DPY19L3: variants seen among roughly 807,000 people sequenced by gnomAD.
DPY19L3 encodes protein C-mannosyl-transferase DPY19L3.
A neutral mutation model predicts 92.3 loss-of-function variants in DPY19L3; 51 were observed. The ratio of observed to expected loss-of-function variants is 0.55; its 90% CI spans 0.44 to 0.70. DPY19L3 has a LOEUF of 0.70. DPY19L3 is among the 30% of genes least tolerant of loss of function. DPY19L3 has a pLI of 0.00. For missense variants in DPY19L3, 706 were observed against 855.9 expected (o/e 0.82, Z 2.18); for synonymous variants, 309 against 315.2 (o/e 0.98, Z 0.21).
chr19:32,437,067 G>T, intron 5 of DPY19L3, 127 bp from the exon 6 acceptor site: 1 of 1,099,374 alleles, frequency 9.1e-7, no homozygotes, highest in South Asian at 1.6e-5. Flanking sequence ...GATGAAAGGG[G>T]TGTGGGCTTG....
In DPY19L3 at chr19:32,482,346, T is replaced by A; in HGVS notation, c.*106T>A. 1 of 1,305,348 alleles carries A rather than the reference T, an allele frequency of 7.7e-7. No individual in the cohort carries two copies. The highest frequency in any genetic ancestry group is 2.3e-5 in the East Asian group (1 of 43,052). 80.9% of individuals were successfully genotyped at this position (1,305,348 alleles called of 1,614,324 possible). ...AAGTAGGTAGCCCAAACCTTCAAGC[T>A]GTGATATGAGTAAGTTCTACAGATG... On this transcript the variant is annotated 3_prime_UTR_variant, in exon 19 of 19. Coordinates refer to ENST00000392250, the MANE Select transcript of DPY19L3 (RefSeq NM_001172774.2).
chr19:32,453,335 T>C (rs1053433275), intron 9 of DPY19L3, 59 bp downstream of exon 9: 1 of 1,508,790 alleles, frequency 6.6e-7, no homozygotes, highest in Non-Finnish European at 8.9e-7. Flanking sequence ...CGTGGTTTAT[T>C]GAACCTTATT....
chr19:32,429,489 A>AT (rs1367987771), intron 3 of DPY19L3, among the ~76,000 whole-genome samples: 1 of 152,226 alleles, frequency 6.6e-6, no homozygotes, highest in Non-Finnish European at 1.5e-5. Flanking sequence ...TAGATTACCA[A>AT]TTAATCATGT....
At chr19:32,438,989 G>A (rs1307843478) in intron 6 of DPY19L3, 123 bp from the exon 7 acceptor site, 5 of 998,332 alleles carry the variant, frequency 5.0e-6, no homozygotes, top group South Asian at 3.4e-5. Flanking sequence ...CAATTATTGA[G>A]AACCAGTGGC....
At chr19:32,430,848 G>T (rs1184897676) in intron 3 of DPY19L3, among the ~76,000 whole-genome samples, 4 of 140,400 alleles carry the variant, frequency 2.8e-5, no homozygotes, top group Admixed American at 7.4e-5. Context: ...GGCTGGTCTT[G>T]AACTCCTGAG....
chr19:32,415,405 G>A (rs759396362), intron 3 of DPY19L3, among the ~76,000 whole-genome samples: 4 of 152,204 alleles, frequency 2.6e-5, no homozygotes, highest in African/African-American at 7.2e-5. Context: ...ACGCAAGAGA[G>A]CCTGGTGTGT....
At chr19:32,470,407 C>T (rs1970321587) in intron 16 of DPY19L3, among the ~76,000 whole-genome samples, 1 of 152,158 alleles carries the variant, frequency 6.6e-6, no homozygotes, top group Non-Finnish European at 1.5e-5. Context: ...CTGAGGACCC[C>T]TGCTTTCTGG....
At chr19:32,456,782 A>G (rs1401365007) in intron 10 of DPY19L3, among the ~76,000 whole-genome samples, 1 of 152,140 alleles carries the variant, frequency 6.6e-6, no homozygotes, top group African/African-American at 2.4e-5. Flanking sequence ...TGATGGAATT[A>G]TTACACACTA....
chr19:32,422,629 A>AC (rs140226412), intron 3 of DPY19L3, among the ~76,000 whole-genome samples: 8 of 146,826 alleles, frequency 5.4e-5, no homozygotes, highest in South Asian at 2.2e-4. Context: ...AATCAGGAAA[A>AC]ACACACACAC....
At chr19:32,427,103 C>A (rs181866032) in intron 3 of DPY19L3, among the ~76,000 whole-genome samples, 14 of 152,262 alleles carry the variant, frequency 9.2e-5, no homozygotes, top group Admixed American at 4.6e-4. Context: ...AGGTGATTCT[C>A]CCACTGCAAC....
chr19:32,448,122 C>G (rs1458660725), intron 8 of DPY19L3, among the ~76,000 whole-genome samples: 1 of 152,054 alleles, frequency 6.6e-6, no homozygotes. Context: ...ATGTGTAAAA[C>G]AAAGTTTTGA....
At chr19:32,423,912 C>T (rs1968667031) in intron 3 of DPY19L3, among the ~76,000 whole-genome samples, 1 of 151,658 alleles carries the variant, frequency 6.6e-6, no homozygotes, top group African/African-American at 2.4e-5. Context: ...ACTCGGGAGA[C>T]TGAGGTAGGA....
At chr19:32,409,323 T>C (rs1349489803) in intron 2 of DPY19L3, among the ~76,000 whole-genome samples, 2 of 152,252 alleles carry the variant, frequency 1.3e-5, no homozygotes, top group African/African-American at 4.8e-5. Flanking sequence ...GTTTTGTAGC[T>C]TGCTATTTTT....
chr19:32,460,047 T>TGTAGGCAGTTGTAACACAATG (rs1301880112), intron 12 of DPY19L3, among the ~76,000 whole-genome samples: 21 of 152,154 alleles, frequency 1.4e-4, no homozygotes, highest in African/African-American at 4.6e-4. Flanking sequence ...TGTTTAATAC[T>TGTAGGCAGTTGTAACACAATG]GTAGGCAGTT....
At chr19:32,471,791 TCC>T (rs1180792394) in intron 16 of DPY19L3, among the ~76,000 whole-genome samples, 2 of 152,118 alleles carry the variant, frequency 1.3e-5, no homozygotes, top group East Asian at 3.9e-4. Context: ...TGAAGAGATA[TCC>T]TCAAGGGAAA....
At chr19:32,454,186 T>C (rs1969792838) in intron 9 of DPY19L3, among the ~76,000 whole-genome samples, 1 of 152,200 alleles carries the variant, frequency 6.6e-6, no homozygotes, top group Admixed American at 6.5e-5. Flanking sequence ...AAAACTATTA[T>C]ATGTCAAAAG....
In DPY19L3 at chr19:32,439,924, T is replaced by G. The variant is rs774056430; in HGVS notation, c.855+14T>G. 3.7e-6 allele frequency: 6 copies of G among 1,610,644 alleles called. No individual in the cohort carries two copies. The highest frequency in any genetic ancestry group is 5.1e-6 in the Non-Finnish European group (6 of 1,179,032). On this transcript the variant is annotated intron_variant, in intron 8 of 18. Transcript: ENST00000392250. ...CCAGCAGTGAAGGTGAGCTTTGCTT[T>G]CTTTTCTCACTTGAGATTTTGGCCA... is the stretch of plus-strand genomic sequence containing the variant.
intron 15 of DPY19L3, among the ~76,000 whole-genome samples, chr19:32,466,182 T>C (rs1970194453): frequency 6.6e-6 from 1 of 152,142 alleles, no homozygotes; most frequent in South Asian, 2.1e-4. Flanking sequence ...CGTAATAAAA[T>C]TGAGGAAGGA....
intron 4 of DPY19L3, among the ~76,000 whole-genome samples, chr19:32,434,583 TG>T (rs1309887360): frequency 6.6e-6 from 1 of 152,124 alleles, no homozygotes; most frequent in Non-Finnish European, 1.5e-5. Context: ...CGCTTAAACC[TG>T]GGAGGTGGAG....
Sources: gnomAD v4.1 joint callset for allele counts (sites outside exome capture counted in the v4.1 genomes callset) on GRCh38, gnomAD v4.1.1 for gene constraint, MANE v1.5 for transcripts, NCBI Gene and HGNC (gene_info 2026-07-23, HGNC 2026-07-21) for gene names.